Variants in PPA2 observed in about 807,000 individuals in gnomAD.
The protein encoded by PPA2 is inorganic pyrophosphatase 2, also known as inorganic pyrophosphatase 2, mitochondrial.
PPA2 carries 48 observed loss-of-function variants against 49.5 expected under a neutral mutation model. The observed-to-expected ratio is 0.97, with a 90% CI of 0.77 to 1.23. PPA2 has a LOEUF of 1.23. Ranked by LOEUF, PPA2 falls within the 50% of genes most tolerant of loss-of-function variation. The probability of loss-of-function intolerance (pLI) is 0.00; values close to 1 mark genes in which losing one functional copy is unlikely to be tolerated. For missense variants in PPA2, 429 were observed against 410.1 expected (o/e 1.05, Z -0.40); for synonymous variants, 131 against 139.9 (o/e 0.94, Z 0.45).
intron 1 of PPA2, among the ~76,000 whole-genome samples, chr4:105,458,008 C>T (rs79767623): frequency 6.6e-6 from 1 of 152,128 alleles, no homozygotes; most frequent in Admixed American, 6.5e-5. Context: ...AGTGCTCAAA[C>T]ATCAGAAGAC....
At chr4:105,448,739 C>G (rs958119543) in intron 4 of PPA2, among the ~76,000 whole-genome samples, 1 of 151,862 alleles carries the variant, frequency 6.6e-6, no homozygotes, top group Admixed American at 6.6e-5. Flanking sequence ...GTTTCAGTTC[C>G]ATCTATGAAC....
At chr4:105,374,851 CT>C (rs1249634814) in intron 10 of PPA2, among the ~76,000 whole-genome samples, 1 of 145,850 alleles carries the variant, frequency 6.9e-6, no homozygotes, top group East Asian at 2.0e-4. Context: ...CTTTCTTTTT[CT>C]TTTTTCTTTT....
At chr4:105,421,042 T>C (rs533819764) in intron 7 of PPA2, among the ~76,000 whole-genome samples, 4 of 152,286 alleles carry the variant, frequency 2.6e-5, no homozygotes, top group Middle Eastern at 3.4e-3. Flanking sequence ...AGTTAGGTTG[T>C]AAGGGACAGA....
intron 8 of PPA2, 26 bp from the exon 9 acceptor site, chr4:105,396,360 A>G (rs773842737): frequency 4.7e-5 from 69 of 1,461,160 alleles, no homozygotes; most frequent in South Asian, 1.3e-5. Context: ...CAAATAAAAA[A>G]AGACGTATTT....
rs149542473 is a variant in PPA2 at position 105,406,690 on chromosome 4, A to C, written c.656-7526T>G. Among the ~76,000 whole-genome samples, 394 of 152,336 alleles carry C rather than the reference A, an allele frequency of 2.6e-3. 2 individuals carry two copies. The highest frequency in any genetic ancestry group is 0.016 in the Admixed American group (241 of 15,306). On this transcript the variant is annotated intron_variant, in intron 7 of 11. Transcript: ENST00000341695. ...CACAGTAGCCCTGCAGAAACCAGCTATATGAAAAGTAGACCCTCATTATAC... is the reference window on the plus strand; with the variant it reads ...CACAGTAGCCCTGCAGAAACCAGCTCTATGAAAAGTAGACCCTCATTATAC...
intron 8 of PPA2, among the ~76,000 whole-genome samples, chr4:105,396,576 A>G (rs1734157569): frequency 6.6e-6 from 1 of 152,186 alleles, no homozygotes; most frequent in African/African-American, 2.4e-5. Context: ...GATAATCTAT[A>G]TCAGGGGTTG....
intron 5 of PPA2, among the ~76,000 whole-genome samples, chr4:105,443,302 T>A (rs1560633710): frequency 6.6e-6 from 1 of 151,930 alleles, no homozygotes; most frequent in Non-Finnish European, 1.5e-5. Context: ...GACATCAGTG[T>A]GCTTTGAGCA....
intron 1 of PPA2, among the ~76,000 whole-genome samples, chr4:105,461,344 T>C (rs1723083674): frequency 6.6e-6 from 1 of 152,114 alleles, no homozygotes; most frequent in African/African-American, 2.4e-5. Flanking sequence ...AAAGGTGAAG[T>C]GGAAAACATG....
chr4:105,371,151 G>A lies in PPA2; in HGVS notation c.940-278C>T, dbSNP rs72665980. On this transcript the variant is annotated intron_variant, in intron 10 of 11. Transcript: ENST00000341695. ...TCTTGCAGCTAGGAATGAGAAGAGA[G>A]GTTTTCTTTCAATGGCTTCCGCAGC... 0.12 allele frequency among the ~76,000 whole-genome samples: 18,571 copies of A among 152,154 alleles called. 1,199 individuals are homozygous for A. Among genetic ancestry groups the A allele is most frequent in the African/African-American group, 0.15 (6,143 of 41,514 alleles).
chr4:105,423,972 G>A (rs1723371501), intron 7 of PPA2, among the ~76,000 whole-genome samples: 1 of 152,180 alleles, frequency 6.6e-6, no homozygotes, highest in South Asian at 2.1e-4. Flanking sequence ...GAAAGGAAGA[G>A]GAAGAAAGTG....
rs145809356 is a variant in PPA2, at chr4:105,410,344, C to T, written c.656-11180G>A. On this transcript the variant is annotated intron_variant, in intron 7 of 11. Coordinates refer to ENST00000341695, the MANE Select transcript of PPA2 (RefSeq NM_176869.3). ...TGAAGATCAAATTAATGAAATAAAG[C>T]GAGAAGACAAGATTAGAGAAAAAAG... 3.2e-3 allele frequency among the ~76,000 whole-genome samples: 484 copies of T among 151,928 alleles called. 2 individuals are homozygous for T. The highest frequency in any genetic ancestry group is 6.8e-3 in the Middle Eastern group (2 of 294).
At chr4:105,376,629 C>T (rs1387509795) in intron 10 of PPA2, among the ~76,000 whole-genome samples, 2 of 152,180 alleles carry the variant, frequency 1.3e-5, no homozygotes, top group African/African-American at 4.8e-5. Context: ...TTTTGAACTT[C>T]TTCCATCACT....
At chr4:105,378,772 C>A (rs1733359164) in intron 10 of PPA2, among the ~76,000 whole-genome samples, 1 of 151,934 alleles carries the variant, frequency 6.6e-6, no homozygotes, top group Admixed American at 6.6e-5. Flanking sequence ...ATATGAATAA[C>A]CAATTATTTA....
intron 11 of PPA2, among the ~76,000 whole-genome samples, chr4:105,370,343 G>A (rs28546358): frequency 1.6e-4 from 24 of 151,964 alleles, no homozygotes; most frequent in African/African-American, 5.3e-4. Context: ...CAAATGATGT[G>A]TGCACATGCT....
At chr4:105,373,783 AC>A (rs1733124886) in intron 10 of PPA2, among the ~76,000 whole-genome samples, 1 of 151,794 alleles carries the variant, frequency 6.6e-6, no homozygotes, top group Non-Finnish European at 1.5e-5. Flanking sequence ...ACACACACAC[AC>A]ACACACACAC....
chr4:105,436,778 A>G (rs1724080543), intron 6 of PPA2, among the ~76,000 whole-genome samples: 1 of 152,112 alleles, frequency 6.6e-6, no homozygotes, highest in Non-Finnish European at 1.5e-5. Context: ...AGGCTGAAGA[A>G]TGAAACTGGA....
intron 7 of PPA2, among the ~76,000 whole-genome samples, chr4:105,423,708 G>T (rs1371515694): frequency 2.6e-5 from 4 of 152,146 alleles, no homozygotes; most frequent in African/African-American, 9.7e-5. Flanking sequence ...TTTCGTTAGA[G>T]GGCAGTTACT....
chr4:105,429,554 T>C (rs888964381), intron 6 of PPA2, among the ~76,000 whole-genome samples: 6 of 152,206 alleles, frequency 3.9e-5, no homozygotes, highest in Non-Finnish European at 8.8e-5. Flanking sequence ...AAGCAATCCA[T>C]ATATTTAAAA....
intron 1 of PPA2, among the ~76,000 whole-genome samples, chr4:105,471,609 TAC>T (rs930917300): frequency 6.6e-6 from 1 of 152,194 alleles, no homozygotes; most frequent in African/African-American, 2.4e-5. Flanking sequence ...TAGTACTGCA[TAC>T]AGACACACTG....
Sources: allele counts gnomAD v4.1 joint callset (sites outside exome capture counted in the v4.1 genomes callset), GRCh38; gene constraint gnomAD v4.1.1; transcripts MANE v1.5; gene names NCBI Gene and HGNC (gene_info 2026-07-23, HGNC 2026-07-21).